ATAD2B: variants seen among roughly 807,000 people sequenced by gnomAD.
The protein encoded by ATAD2B is ATPase family AAA domain-containing protein 2B.
Under a neutral mutation model 167.6 loss-of-function variants are expected in ATAD2B, and 40 were observed. That is an observed-to-expected ratio of 0.24 (90% confidence interval 0.19 to 0.31). The LOEUF is 0.31. Ranked by LOEUF, ATAD2B falls within the 10% of genes least tolerant of loss-of-function variation. The pLI, the probability that ATAD2B is intolerant of heterozygous loss-of-function variation, is 1.00. For synonymous variants in ATAD2B, 579 were observed against 596.5 expected (o/e 0.97, Z 0.43); for missense variants, 1,242 against 1,757.2 (o/e 0.71, Z 5.24).
chr2:23,783,079 A>G, intron 21 of ATAD2B, 51 bp from the exon 22 acceptor site: 1 of 968,402 alleles, frequency 1.0e-6, no homozygotes, highest in Non-Finnish European at 1.4e-6. Flanking sequence ...ACATCATCTC[A>G]GTTCATAAAA....
At chr2:23,822,600 G>C (rs1010024049) in intron 16 of ATAD2B, among the ~76,000 whole-genome samples, 1 of 151,188 alleles carries the variant, frequency 6.6e-6, no homozygotes, top group Non-Finnish European at 1.5e-5. Context: ...TATAATCAGA[G>C]TGCTTACCTG....
At chr2:23,699,868 T>C in the ATAD2B span, among the ~76,000 whole-genome samples, 2 of 152,142 alleles carry the variant, frequency 1.3e-5, no homozygotes, top group African/African-American at 2.4e-5. Context: ...AGTTATTTCC[T>C]GTCTTGACCT....
intron 7 of ATAD2B, among the ~76,000 whole-genome samples, chr2:23,877,518 G>A (rs1573196746): frequency 1.1e-5 from 1 of 91,228 alleles, no homozygotes; most frequent in African/African-American, 4.3e-5. Context: ...GAGGGAAGGG[G>A]AGGGAAGGGG....
intron 12 of ATAD2B, 43 bp downstream of exon 12, chr2:23,863,338 G>T: frequency 2.6e-6 from 4 of 1,529,768 alleles, no homozygotes; most frequent in Non-Finnish European, 3.5e-6. Flanking sequence ...GAAAAGAACA[G>T]AACAGAACAG....
chr2:23,899,573 A>T (rs1323650789), intron 1 of ATAD2B, among the ~76,000 whole-genome samples: 1 of 152,038 alleles, frequency 6.6e-6, no homozygotes, highest in Admixed American at 6.6e-5. Context: ...GAGTGTTTTT[A>T]AATTTAGTCC....
Position 23,926,733 on chromosome 2 carries a change from C to T in ATAD2B, c.38G>A (p.Gly13Glu), listed in dbSNP as rs763176686. The T allele has an allele frequency of 9.0e-6, 14 of 1,548,322 alleles. No homozygotes were observed. The South Asian group carries it at 1.7e-4, about 18-fold the overall frequency. The change falls in exon 1 of 28, where the codon GGG becomes GAG. Residue 13 changes from glycine to glutamate, a missense_variant. Physicochemically the swap from Gly to Glu is moderately conservative, Grantham distance 98 (BLOSUM62 -2). Around this residue, in one of 9 missense-constraint regions of ATAD2B, gnomAD observed 199 missense variants for 194.9 expected, o/e 1.02. Coordinates refer to ENST00000238789, the MANE Select transcript of ATAD2B (RefSeq NM_017552.4). ...NTRKSSLRLL[G>E]SKSPGPGPGP... ...AGGCCCGGGACCAGGAGACTTGGAC[C>T]CGAGAAGGCGGAGAGAGCTCTTCCG...
Position 23,908,229 on chromosome 2 carries a change from G to A in ATAD2B, c.217-12259C>T, listed in dbSNP as rs1312357306. ...ACCTACAAAATGGGAGAAAATTTTCGCAACCTACTCATCTGACAAAGGGCT... is the reference window on the plus strand; with the variant it reads ...ACCTACAAAATGGGAGAAAATTTTCACAACCTACTCATCTGACAAAGGGCT... On this transcript the variant is annotated intron_variant, in intron 1 of 27. Transcript: ENST00000238789. 3.3e-5 allele frequency among the ~76,000 whole-genome samples: 5 copies of A among 151,864 alleles called. No individual in the cohort carries two copies. The East Asian group carries it at 5.8e-4, about 18-fold the overall frequency.
the ATAD2B span, among the ~76,000 whole-genome samples, chr2:23,704,521 C>T: frequency 6.6e-6 from 1 of 152,212 alleles, no homozygotes; most frequent in Non-Finnish European, 1.5e-5. Context: ...AATCCCAGCA[C>T]TTTGGGAGGC....
intron 15 of ATAD2B, among the ~76,000 whole-genome samples, chr2:23,826,933 T>A (rs1213503814): frequency 6.6e-6 from 1 of 152,208 alleles, no homozygotes; most frequent in African/African-American, 2.4e-5. Context: ...AAAGGTCAGC[T>A]ATCTTCACAG....
At chr2:23,740,239 A>G in the ATAD2B span, among the ~76,000 whole-genome samples, 1 of 152,218 alleles carries the variant, frequency 6.6e-6, no homozygotes, top group Non-Finnish European at 1.5e-5. Context: ...CCTGACAGAG[A>G]CACAACCAAA....
At chr2:23,724,860 G>A in the ATAD2B span, among the ~76,000 whole-genome samples, 7 of 152,098 alleles carry the variant, frequency 4.6e-5, no homozygotes, top group South Asian at 6.2e-4. Flanking sequence ...TGGCTAACAC[G>A]GTGAAACCCT....
At chr2:23,909,239 C>T (rs904607494) in intron 1 of ATAD2B, among the ~76,000 whole-genome samples, 1 of 151,838 alleles carries the variant, frequency 6.6e-6, no homozygotes, top group African/African-American at 2.4e-5. Context: ...TGGCTCACAC[C>T]TGTAATCCCA....
At chr2:23,705,176 C>T in the ATAD2B span, among the ~76,000 whole-genome samples, 12 of 152,192 alleles carry the variant, frequency 7.9e-5, no homozygotes, top group Non-Finnish European at 1.8e-4. Flanking sequence ...GGAGGATGCT[C>T]GCACCTTCTC....
intron 6 of ATAD2B, among the ~76,000 whole-genome samples, chr2:23,883,118 A>C (rs965124319): frequency 6.6e-6 from 1 of 151,872 alleles, no homozygotes; most frequent in African/African-American, 2.4e-5. Flanking sequence ...TCTCTACAAA[A>C]ATTACAAAAG....
At chr2:23,758,264 C>A (rs1467624188) in intron 24 of ATAD2B, among the ~76,000 whole-genome samples, 163 bp from the exon 25 acceptor site, 5 of 152,142 alleles carry the variant, frequency 3.3e-5, no homozygotes, top group Admixed American at 3.3e-4. Context: ...TTGCAACCTA[C>A]AAATGGAATG....
chr2:23,765,606 A>G lies in ATAD2B; in HGVS notation c.3156T>C (p.Ala1052=), dbSNP rs1326147556. The part of the protein sequence containing the change: ...DPGDKIIRHR[A]CTLKDTAHAI... Reference sequence around the variant, plus strand: ...CATGTGCAGTGTCCTTCAGGGTACAAGCCCTGTGCCTAATTATTTTATCTG... The same window carrying G: ...CATGTGCAGTGTCCTTCAGGGTACAGGCCCTGTGCCTAATTATTTTATCTG... Residue 1052 remains alanine (A), a synonymous_variant, in exon 23 of 28, where the codon GCT becomes GCC. Coordinates refer to ENST00000238789, the MANE Select transcript of ATAD2B (RefSeq NM_017552.4). 1.3e-6 allele frequency: 2 copies of G among 1,487,338 alleles called. No homozygotes were observed. Among genetic ancestry groups the G allele is most frequent in the Non-Finnish European group, 1.8e-6 (2 of 1,110,664 alleles). 92.1% of individuals were successfully genotyped at this position (1,487,338 alleles called of 1,614,324 possible). A position where few individuals can be genotyped will look rare whatever the true frequency, so the allele number is the denominator to read the frequency against.
chr2:23,891,668 T>C (rs1239040938), intron 2 of ATAD2B, among the ~76,000 whole-genome samples: 1 of 151,750 alleles, frequency 6.6e-6, no homozygotes, highest in Non-Finnish European at 1.5e-5. Flanking sequence ...TTTGTATTTT[T>C]AGTGTAGACA....
intron 19 of ATAD2B, among the ~76,000 whole-genome samples, chr2:23,789,190 T>C (rs1253998604): frequency 6.6e-6 from 1 of 152,042 alleles, no homozygotes; most frequent in African/African-American, 2.4e-5. Context: ...CCAAAAAAAT[T>C]AAGCCAATTA....
chr2:23,843,556 G>A (rs879435606), intron 13 of ATAD2B, among the ~76,000 whole-genome samples: 2 of 152,208 alleles, frequency 1.3e-5, no homozygotes, highest in Non-Finnish European at 2.9e-5. Context: ...CTCACTAAGC[G>A]GAAGAGTCGG....
Sources: gnomAD v4.1 joint callset for allele counts (sites outside exome capture counted in the v4.1 genomes callset) on GRCh38, gnomAD v4.1.1 for gene constraint, gnomAD v4.1.1 regional missense constraint, MANE v1.5 for transcripts, NCBI Gene and HGNC (gene_info 2026-07-23, HGNC 2026-07-21) for gene names.